AGPAT4: variants seen among roughly 807,000 people sequenced by gnomAD.
The protein encoded by AGPAT4 is 1-acylglycerol-3-phosphate O-acyltransferase 4, also known as 1-acyl-sn-glycerol-3-phosphate acyltransferase delta.
A neutral mutation model predicts 48.0 loss-of-function variants in AGPAT4; 15 were observed. The observed-to-expected ratio is 0.31, with a 90% CI of 0.21 to 0.48. The LOEUF (loss-of-function observed/expected upper bound fraction) is 0.48, where lower values mean the gene tolerates loss of function less well. Among genes scored for constraint, AGPAT4 ranks in the 20% least tolerant of loss-of-function variants. The pLI is 0.99. For missense variants in AGPAT4, 314 were observed against 482.5 expected (o/e 0.65, Z 3.27); for synonymous variants, 178 against 198.7 (o/e 0.90, Z 0.88).
rs1242592707 is a variant in AGPAT4 at position 161,273,972 on chromosome 6, A to C, written c.-124T>G. 6.6e-6 allele frequency: 1 copy of C among 152,142 alleles called. No individual in the cohort carries two copies. Among genetic ancestry groups the C allele is most frequent in the Non-Finnish European group, 1.5e-5 (1 of 68,096 alleles). The allele number at this position is 152,142 out of a possible 1,614,324, so 9.4% of individuals were successfully genotyped here. ...GGCAGCCTTTGGCACATGGACTTAG[A>C]AACCAGAAGCTGAGATGGAGCCGGC... On this transcript the variant is annotated 5_prime_UTR_variant, in exon 1 of 9. Coordinates refer to ENST00000320285, the MANE Select transcript of AGPAT4 (RefSeq NM_020133.3).
At chr6:161,252,711 G>C (rs534186491) in intron 1 of AGPAT4, among the ~76,000 whole-genome samples, 180 of 152,242 alleles carry the variant, frequency 1.2e-3, no homozygotes, top group African/African-American at 4.0e-3. Context: ...TCAGAAGGCT[G>C]AGGTGGGAGG....
rs1180036106 is a variant in AGPAT4, at chr6:161,206,966, A to G, written c.178+25070T>C. Among the ~76,000 whole-genome samples the G allele has an allele frequency of 1.3e-5, 2 of 152,244 alleles. No homozygotes were observed. Among genetic ancestry groups the G allele is most frequent in the Non-Finnish European group, 2.9e-5 (2 of 68,038 alleles). ...AAGGCAGAACAGTAGAAATCAGCTC[A>G]TCTGGACAACAGAGAAAATAGGCTG... On this transcript the variant is annotated intron_variant, in intron 2 of 8. Transcript: ENST00000320285. This position sits in a 1 kb window ranked among gnomAD's most constrained non-coding sequence, Gnocchi z 4.8.
chr6:161,213,646 C>T (rs1781573499), intron 2 of AGPAT4, among the ~76,000 whole-genome samples: 1 of 152,182 alleles, frequency 6.6e-6, no homozygotes, highest in Non-Finnish European at 1.5e-5. Flanking sequence ...TATTTACATA[C>T]ATAAGCCACT....
chr6:161,220,712 A>G lies in AGPAT4; in HGVS notation c.178+11324T>C, dbSNP rs920779652. Among the ~76,000 whole-genome samples the G allele has an allele frequency of 6.6e-6, 1 of 152,130 alleles. No individual in the cohort carries two copies. The highest frequency in any genetic ancestry group is 2.4e-5 in the African/African-American group (1 of 41,420). On this transcript the variant is annotated intron_variant, in intron 2 of 8. Transcript: ENST00000320285. This position sits in a 1 kb window ranked among gnomAD's most constrained non-coding sequence, Gnocchi z 6.0. ...TATGTTTGAAGGACAGTTTCATTCT[A>G]TCTTTCCTACGCAGACTGCCCCATT...
chr6:161,226,474 G>A lies in AGPAT4; in HGVS notation c.178+5562C>T, dbSNP rs920896638. Among the ~76,000 whole-genome samples, 1 of 152,150 alleles carries A rather than the reference G, an allele frequency of 6.6e-6. No homozygotes were observed. The highest frequency in any genetic ancestry group is 1.5e-5 in the Non-Finnish European group (1 of 68,024). On this transcript the variant is annotated intron_variant, in intron 2 of 8. Coordinates refer to ENST00000320285, the MANE Select transcript of AGPAT4 (RefSeq NM_020133.3). The surrounding 1 kb of genome is among the most constrained non-coding windows in gnomAD (Gnocchi z 6.3). The stretch of plus-strand genomic sequence containing the variant: ...AAGCCACAGCGACACTCTCTTTGGG[G>A]GATCAACAGCTTTCTTATCGAGAAC...
rs781581546 is a variant in AGPAT4, at chr6:161,262,700, CG to C, written c.-90+11237del. On this transcript the variant is annotated intron_variant, in intron 1 of 8. Transcript: ENST00000320285. This position sits in a 1 kb window ranked among gnomAD's most constrained non-coding sequence, Gnocchi z 4.9. ...TGGGTCCGATTATTCTTCAGTCCCA[CG>C]GGGGAGTGAGACCCTCATAGTGAGG... 6.6e-6 allele frequency among the ~76,000 whole-genome samples: 1 copy of C among 152,098 alleles called. No individual in the cohort carries two copies. The highest frequency in any genetic ancestry group is 2.4e-5 in the African/African-American group (1 of 41,394).
In AGPAT4 at chr6:161,246,520, C is replaced by T. The variant is rs1782653579; in HGVS notation, c.-89-14218G>A. Among the ~76,000 whole-genome samples, 1 of 152,090 alleles carries T rather than the reference C, an allele frequency of 6.6e-6. No individual in the cohort carries two copies. Among genetic ancestry groups the T allele is most frequent in the Non-Finnish European group, 1.5e-5 (1 of 68,024 alleles). On this transcript the variant is annotated intron_variant, in intron 1 of 8. Coordinates refer to ENST00000320285, the MANE Select transcript of AGPAT4 (RefSeq NM_020133.3). This position sits in a 1 kb window ranked among gnomAD's most constrained non-coding sequence, Gnocchi z 5.5. ...CGCCTCTCAAGTTCAAGCGATTCTCCTGCCTCAGCCTCCCGAGTAGCTGGG... is the reference window on the plus strand; with the variant it reads ...CGCCTCTCAAGTTCAAGCGATTCTCTTGCCTCAGCCTCCCGAGTAGCTGGG...
Position 161,244,152 on chromosome 6 carries a change from C to G in AGPAT4, c.-89-11850G>C, listed in dbSNP as rs1782581263. The stretch of plus-strand genomic sequence containing the variant: ...GCTCTCTGAATGTACCTGTGTTTTC[C>G]TGATCTCAAACAGACATACAGCGAG... On this transcript the variant is annotated intron_variant, in intron 1 of 8. Transcript: ENST00000320285. The surrounding 1 kb of genome is among the most constrained non-coding windows in gnomAD (Gnocchi z 4.7). 6.6e-6 allele frequency among the ~76,000 whole-genome samples: 1 copy of G among 152,144 alleles called. No homozygotes were observed. Among genetic ancestry groups the G allele is most frequent in the Non-Finnish European group, 1.5e-5 (1 of 68,022 alleles).
intron 2 of AGPAT4, among the ~76,000 whole-genome samples, chr6:161,200,000 G>A (rs1781182297): frequency 6.6e-6 from 1 of 152,196 alleles, no homozygotes. Flanking sequence ...GCTCCCAGAG[G>A]CACAGACTCC....
intron 2 of AGPAT4, among the ~76,000 whole-genome samples, chr6:161,199,172 C>G (rs1781150719): frequency 6.6e-6 from 1 of 151,914 alleles, no homozygotes; most frequent in Non-Finnish European, 1.5e-5. Context: ...CAACACTGTG[C>G]ATCAGACTTG....
In AGPAT4 at chr6:161,139,228, G is replaced by A. The variant is rs991138637; in HGVS notation, c.1042+194C>T. ...TGGGAGGCTGGACCGTCCAGGCTGC[G>A]GAGGGGGTCCCAGGCCTGGTATTCG... On this transcript the variant is annotated intron_variant, in intron 8 of 8. Transcript: ENST00000320285. This position sits in a 1 kb window ranked among gnomAD's most constrained non-coding sequence, Gnocchi z 9.1. Among the ~76,000 whole-genome samples, 2 of 152,188 alleles carry A rather than the reference G, an allele frequency of 1.3e-5. No homozygotes were observed. The highest frequency in any genetic ancestry group is 2.1e-4 in the South Asian group (1 of 4,830).
At position 161,166,500 on chromosome 6, in the gene AGPAT4, C is replaced by T; in HGVS notation, c.179-83G>A. 1 of 1,474,880 alleles carries T rather than the reference C, an allele frequency of 6.8e-7. No homozygotes were observed. Among genetic ancestry groups the T allele is most frequent in the Non-Finnish European group, 9.1e-7 (1 of 1,103,920 alleles). 91.4% of individuals were successfully genotyped at this position (1,474,880 alleles called of 1,614,324 possible). A position where few individuals can be genotyped will look rare whatever the true frequency, so the allele number is the denominator to read the frequency against. On this transcript the variant is annotated intron_variant, in intron 2 of 8. Coordinates refer to ENST00000320285, the MANE Select transcript of AGPAT4 (RefSeq NM_020133.3). The surrounding 1 kb of genome is among the most constrained non-coding windows in gnomAD (Gnocchi z 6.7). ...TGCTGAGAGCAGGGCTCTGCCCTCC[C>T]AGCTAGGGGAGAAAGCAACTTCTAC... is the stretch of plus-strand genomic sequence containing the variant.
chr6:161,251,597 G>T lies in AGPAT4; in HGVS notation c.-89-19295C>A, dbSNP rs553175300. Among the ~76,000 whole-genome samples, 1 of 152,158 alleles carries T rather than the reference G, an allele frequency of 6.6e-6. No individual in the cohort carries two copies. The highest frequency in any genetic ancestry group is 2.1e-4 in the South Asian group (1 of 4,832). On this transcript the variant is annotated intron_variant, in intron 1 of 8. Transcript: ENST00000320285. The surrounding 1 kb of genome is among the most constrained non-coding windows in gnomAD (Gnocchi z 4.6). The stretch of plus-strand genomic sequence containing the variant: ...GCATTACAGACCAGCCTGTCCGGCC[G>T]CTGGTTAAAGACCCGCAGGGAGGAT...
chr6:161,192,166 T>A (rs1176891343), intron 2 of AGPAT4, among the ~76,000 whole-genome samples: 3 of 131,698 alleles, frequency 2.3e-5, no homozygotes, highest in African/African-American at 9.3e-5. Context: ...TTTTTTTTTT[T>A]TGGAGACAGA....
In AGPAT4 at chr6:161,146,490, A is replaced by T. The variant is rs1779431308; in HGVS notation, c.843+34T>A. On this transcript the variant is annotated intron_variant, in intron 7 of 8. Coordinates refer to ENST00000320285, the MANE Select transcript of AGPAT4 (RefSeq NM_020133.3). This position sits in a 1 kb window ranked among gnomAD's most constrained non-coding sequence, Gnocchi z 7.1. ...GCCACACGGCGCACCCACAGCTGCA[A>T]CGTGAAGGGACCCCTGGCACCCAGT... 6.2e-7 allele frequency: 1 copy of T among 1,608,430 alleles called. No individual in the cohort carries two copies. Among genetic ancestry groups the T allele is most frequent in the Non-Finnish European group, 8.5e-7 (1 of 1,176,456 alleles).
At chr6:161,199,962 CT>C (rs1427035943) in intron 2 of AGPAT4, among the ~76,000 whole-genome samples, 3 of 152,082 alleles carry the variant, frequency 2.0e-5, no homozygotes, top group Non-Finnish European at 4.4e-5. Flanking sequence ...CTCCTGCCCC[CT>C]GAGAACAACG....
chr6:161,242,885 T>C lies in AGPAT4; in HGVS notation c.-89-10583A>G, dbSNP rs1290484657. ...GAGATCGAGGCCAGCCTGGCCAACA[T>C]AGTGAAACCCCGTCTCTACTAAGAA... On this transcript the variant is annotated intron_variant, in intron 1 of 8. Coordinates refer to ENST00000320285, the MANE Select transcript of AGPAT4 (RefSeq NM_020133.3). The surrounding 1 kb of genome is among the most constrained non-coding windows in gnomAD (Gnocchi z 5.0). Among the ~76,000 whole-genome samples the C allele has an allele frequency of 5.9e-4, 90 of 151,998 alleles. No homozygotes were observed. Among genetic ancestry groups the C allele is most frequent in the Non-Finnish European group, 1.2e-4 (8 of 67,980 alleles).
At position 161,136,310 on chromosome 6, in the gene AGPAT4, C is replaced by T; in HGVS notation, c.*230G>A. The stretch of plus-strand genomic sequence containing the variant: ...CACCACACAGCCATTCTCACACACA[C>T]TCGCACAAAAAGAAAACCAAAGCCC... On this transcript the variant is annotated 3_prime_UTR_variant, in exon 9 of 9. Transcript: ENST00000320285. The T allele has an allele frequency of 1.8e-6, 1 of 542,862 alleles. No homozygotes were observed. The highest frequency in any genetic ancestry group is 3.2e-5 in the East Asian group (1 of 31,304). The allele number at this position is 542,862 out of a possible 1,614,324, so 33.6% of individuals were successfully genotyped here.
chr6:161,217,398 G>A lies in AGPAT4; in HGVS notation c.178+14638C>T, dbSNP rs528669452. On this transcript the variant is annotated intron_variant, in intron 2 of 8. Coordinates refer to ENST00000320285, the MANE Select transcript of AGPAT4 (RefSeq NM_020133.3). This position sits in a 1 kb window ranked among gnomAD's most constrained non-coding sequence, Gnocchi z 4.9. Reference sequence around the variant, plus strand: ...CCTTATGGTGTGTCAGATGGAGGACGCATTGGGAGAGGCTGTGGTGGAGAC... The same window carrying A: ...CCTTATGGTGTGTCAGATGGAGGACACATTGGGAGAGGCTGTGGTGGAGAC... Among the ~76,000 whole-genome samples the A allele has an allele frequency of 2.6e-5, 4 of 152,182 alleles. No homozygotes were observed. Among genetic ancestry groups the A allele is most frequent in the Non-Finnish European group, 5.9e-5 (4 of 68,034 alleles).
Sources: allele counts gnomAD v4.1 joint callset (sites outside exome capture counted in the v4.1 genomes callset), GRCh38; gene constraint gnomAD v4.1.1; non-coding constraint Gnocchi (gnomAD v3.1); transcripts MANE v1.5; gene names NCBI Gene and HGNC (gene_info 2026-07-23, HGNC 2026-07-21).